SPSB1: variants seen among roughly 807,000 people sequenced by gnomAD.
The protein encoded by SPSB1 is splA/ryanodine receptor domain and SOCS box containing 1, also known as SPRY domain-containing SOCS box protein 1.
In SPSB1, 8 loss-of-function variants were observed where a neutral mutation model predicts 21.2. That is an observed-to-expected ratio of 0.38 (90% CI 0.22 to 0.68). The LOEUF (loss-of-function observed/expected upper bound fraction) is 0.68. SPSB1 is among the 30% of genes least tolerant of loss of function. The pLI, the probability that SPSB1 is intolerant of heterozygous loss-of-function variation, is 0.53. For synonymous variants in SPSB1, 169 were observed against 161.7 expected (o/e 1.05, Z -0.34); for missense variants, 242 against 377.8 (o/e 0.64, Z 2.98).
At chr1:9,355,261 G>A (rs1000459771) in intron 1 of SPSB1, among the ~76,000 whole-genome samples, 9 of 152,238 alleles carry the variant, frequency 5.9e-5, no homozygotes, top group Non-Finnish European at 8.8e-5. Flanking sequence ...GAGACAGGGA[G>A]GAGGAGCTGG....
rs1212711225 is a variant in SPSB1, at chr1:9,356,425, G to A, written c.534G>A (p.Leu178=). The part of the protein sequence containing the change: ...DETFIVPDSF[L]VALDMDDGTL... ...CATTCATTGTCCCTGACTCCTTCCT[G>A]GTAGCCCTGGACATGGACGACGGGA... The change falls in exon 2 of 3, where the codon CTG becomes CTA. Residue 178 remains leucine, a synonymous_variant. Transcript: ENST00000328089. The surrounding 1 kb of genome is among the most constrained non-coding windows in gnomAD (Gnocchi z 7.4). 6.2e-7 allele frequency: 1 copy of A among 1,614,134 alleles called. No homozygotes were observed. The highest frequency in any genetic ancestry group is 1.1e-5 in the South Asian group (1 of 91,084).
At chr1:9,329,133 G>C (rs940566128) in intron 1 of SPSB1, among the ~76,000 whole-genome samples, 2 of 152,346 alleles carry the variant, frequency 1.3e-5, no homozygotes, top group Admixed American at 1.3e-4. Context: ...TCCCAAGGGG[G>C]AGAATTGAAG....
chr1:9,328,678 G>T (rs898883876), intron 1 of SPSB1, among the ~76,000 whole-genome samples: 2 of 152,196 alleles, frequency 1.3e-5, no homozygotes, highest in African/African-American at 4.8e-5. Flanking sequence ...GTTGACACAG[G>T]GTCACAGGTG....
At position 9,356,534 on chromosome 1, in the gene SPSB1, G is replaced by GC; in HGVS notation, c.645dup (p.Val216ArgfsTer6). The GC allele has an allele frequency of 6.2e-7, 1 of 1,605,292 alleles. No individual in the cohort carries two copies. Among genetic ancestry groups the GC allele is most frequent in the South Asian group, 1.1e-5 (1 of 90,870 alleles). On this transcript the variant is annotated frameshift_variant, in exon 2 of 3. Coordinates refer to ENST00000328089, the MANE Select transcript of SPSB1 (RefSeq NM_025106.4). LOFTEE classifies it high-confidence loss of function. The surrounding 1 kb of genome is among the most constrained non-coding windows in gnomAD (Gnocchi z 7.4). ...CAAAAAACTGTATCCTGTAGTGAGTGCCGTCTGGGGCCACTGTGAGATCCG... is the reference window on the plus strand; with the variant it reads ...CAAAAAACTGTATCCTGTAGTGAGTGCCCGTCTGGGGCCACTGTGAGATCCG...
At chr1:9,343,966 TAA>T (rs59580822) in intron 1 of SPSB1, among the ~76,000 whole-genome samples, 1 of 152,078 alleles carries the variant, frequency 6.6e-6, no homozygotes, top group Admixed American at 6.5e-5. Context: ...TTTGTATTTT[TAA>T]AAGTAGAGAT....
At chr1:9,308,533 C>G (rs1639459645) in intron 1 of SPSB1, among the ~76,000 whole-genome samples, 2 of 152,234 alleles carry the variant, frequency 1.3e-5, no homozygotes, top group Admixed American at 1.3e-4. Context: ...CCCTCCCATG[C>G]TGGGGCCGGC....
Position 9,356,887 on chromosome 1 carries a change from T to G in SPSB1, c.694+302T>G, listed in dbSNP as rs1640372645. On this transcript the variant is annotated intron_variant, in intron 2 of 2. Coordinates refer to ENST00000328089, the MANE Select transcript of SPSB1 (RefSeq NM_025106.4). The surrounding 1 kb of genome is among the most constrained non-coding windows in gnomAD (Gnocchi z 7.4). Reference sequence around the variant, plus strand: ...GATGATGAATAGATGGATAGATGAGTGAATAATGGATGGATGCGTGTATAA... The same window carrying G: ...GATGATGAATAGATGGATAGATGAGGGAATAATGGATGGATGCGTGTATAA... Among the ~76,000 whole-genome samples the G allele has an allele frequency of 6.6e-6, 1 of 150,756 alleles. No individual in the cohort carries two copies. Among genetic ancestry groups the G allele is most frequent in the Non-Finnish European group, 1.5e-5 (1 of 67,772 alleles).
rs981719843 is a variant in SPSB1 at position 9,295,244 on chromosome 1, G to A, written c.-150+2173G>A. Among the ~76,000 whole-genome samples, 11 of 151,790 alleles carry A rather than the reference G, an allele frequency of 7.2e-5. 1 individual carries two copies. Among genetic ancestry groups the A allele is most frequent in the Admixed American group, 3.9e-4 (6 of 15,252 alleles). Reference sequence around the variant, plus strand: ...TGTGTGTGTGTGTGTGTGTGTGTGCGCGCGTGCGGTTGGGGAGGTGTGGAG... The same window carrying A: ...TGTGTGTGTGTGTGTGTGTGTGTGCACGCGTGCGGTTGGGGAGGTGTGGAG... On this transcript the variant is annotated intron_variant, in intron 1 of 2. Coordinates refer to ENST00000328089, the MANE Select transcript of SPSB1 (RefSeq NM_025106.4).
At position 9,348,900 on chromosome 1, in the gene SPSB1, A is replaced by C. The variant is rs11121380; in HGVS notation, c.-149-6843A>C. 0.1 allele frequency among the ~76,000 whole-genome samples: 15,472 copies of C among 151,966 alleles called. 1,188 individuals carry two copies. The highest frequency in any genetic ancestry group is 0.21 in the African/African-American group (8,756 of 41,426). On this transcript the variant is annotated intron_variant, in intron 1 of 2. Coordinates refer to ENST00000328089, the MANE Select transcript of SPSB1 (RefSeq NM_025106.4). The surrounding 1 kb of genome is among the most constrained non-coding windows in gnomAD (Gnocchi z 4.8). ...ACTGGGTTGAGGGCTTTTGCCGTCA[A>C]AGGATGTAAGGGACATCCCCTTTCA... is the stretch of plus-strand genomic sequence containing the variant.
At chr1:9,338,344 G>T (rs939925617) in intron 1 of SPSB1, among the ~76,000 whole-genome samples, 1 of 152,182 alleles carries the variant, frequency 6.6e-6, no homozygotes, top group Non-Finnish European at 1.5e-5. Flanking sequence ...GTGACTGTAT[G>T]GGGGCTCTGG....
intron 1 of SPSB1, among the ~76,000 whole-genome samples, chr1:9,323,684 G>T (rs75478423): frequency 1.9e-4 from 29 of 152,328 alleles, no homozygotes; most frequent in African/African-American, 6.7e-4. Context: ...TCCAGGCACC[G>T]AGAGCCCATG....
chr1:9,329,916 G>A (rs552487214), intron 1 of SPSB1, among the ~76,000 whole-genome samples: 1 of 152,188 alleles, frequency 6.6e-6, no homozygotes, highest in African/African-American at 2.4e-5. Flanking sequence ...AATCTTTTCT[G>A]GGACTGATTC....
chr1:9,300,667 A>G (rs770847406), intron 1 of SPSB1, among the ~76,000 whole-genome samples: 24 of 152,214 alleles, frequency 1.6e-4, no homozygotes, highest in Non-Finnish European at 2.8e-4. Context: ...GGTGTTATCT[A>G]TGATCTGACC....
At chr1:9,310,424 A>T (rs1368431532) in intron 1 of SPSB1, among the ~76,000 whole-genome samples, 1 of 152,164 alleles carries the variant, frequency 6.6e-6, no homozygotes, top group Admixed American at 6.5e-5. Context: ...CGGGCACAGT[A>T]GCTCATGCCT....
At chr1:9,341,582 T>G (rs553026981) in intron 1 of SPSB1, among the ~76,000 whole-genome samples, 110 of 152,372 alleles carry the variant, frequency 7.2e-4, no homozygotes, top group African/African-American at 2.5e-3. Flanking sequence ...GGGTCACTTC[T>G]GCCGGTGACA....
rs1639153188 is a variant in SPSB1 at position 9,293,407 on chromosome 1, C to T, written c.-150+336C>T. 6.6e-6 allele frequency among the ~76,000 whole-genome samples: 1 copy of T among 151,384 alleles called. No homozygotes were observed. Among genetic ancestry groups the T allele is most frequent in the Admixed American group, 6.6e-5 (1 of 15,210 alleles). On this transcript the variant is annotated intron_variant, in intron 1 of 2. Coordinates refer to ENST00000328089, the MANE Select transcript of SPSB1 (RefSeq NM_025106.4). This position sits in a 1 kb window ranked among gnomAD's most constrained non-coding sequence, Gnocchi z 5.1. ...GGACCGTCGCAACGAGTTGCGGTCC[C>T]GAGGAGGGGCTGGGGCGCTCCGGGG... is the stretch of plus-strand genomic sequence containing the variant.
At chr1:9,341,410 C>A (rs77777406) in intron 1 of SPSB1, among the ~76,000 whole-genome samples, 4 of 152,246 alleles carry the variant, frequency 2.6e-5, no homozygotes, top group African/African-American at 7.2e-5. Flanking sequence ...TGCCTCCCCC[C>A]ACTAGACTGA....
At chr1:9,296,375 A>G (rs1336491481) in intron 1 of SPSB1, among the ~76,000 whole-genome samples, 1 of 152,224 alleles carries the variant, frequency 6.6e-6, no homozygotes, top group East Asian at 1.9e-4. Context: ...GCCCTTCACC[A>G]GTAAGTTTGT....
chr1:9,326,152 A>G (rs920482085), intron 1 of SPSB1, among the ~76,000 whole-genome samples: 28 of 151,940 alleles, frequency 1.8e-4, no homozygotes, highest in Admixed American at 1.8e-3. Context: ...GTGGGGCTGA[A>G]TTTAGTCTTC....
Sources: allele counts gnomAD v4.1 joint callset (sites outside exome capture counted in the v4.1 genomes callset), GRCh38; gene constraint gnomAD v4.1.1; non-coding constraint Gnocchi (gnomAD v3.1); transcripts MANE v1.5; gene names NCBI Gene and HGNC (gene_info 2026-07-23, HGNC 2026-07-21).